TMEM220: variants seen among roughly 807,000 people sequenced by gnomAD.
TMEM220 encodes transmembrane protein 220.
TMEM220 carries 21 observed loss-of-function variants against 21.7 expected under a neutral mutation model. The observed-to-expected ratio is 0.97, with a 90% confidence interval of 0.69 to 1.39. The LOEUF is 1.39. Ranked by LOEUF, TMEM220 falls within the 40% of genes most tolerant of loss-of-function variation. The pLI, the probability that TMEM220 is intolerant of heterozygous loss-of-function variation, is 0.00. For synonymous variants in TMEM220, 80 were observed against 73.6 expected, an observed-to-expected ratio of 1.09 and a Z score of -0.45; for missense variants, 191 against 201.9, an observed-to-expected ratio of 0.95 and a Z score of 0.33.
intron 5 of TMEM220, among the ~76,000 whole-genome samples, chr17:10,718,297 T>G (rs561389459): frequency 6.6e-6 from 1 of 152,286 alleles, no homozygotes; most frequent in Admixed American, 6.5e-5. Flanking sequence ...TATAGTAGTA[T>G]TCTCTTTTTT....
chr17:10,720,501 C>A (rs2074974693), intron 5 of TMEM220, among the ~76,000 whole-genome samples: 2 of 152,136 alleles, frequency 1.3e-5, no homozygotes, highest in South Asian at 4.1e-4. Flanking sequence ...ACTGAAAAAT[C>A]ATGGAAGGAT....
At chr17:10,720,481 C>T in intron 5 of TMEM220, among the ~76,000 whole-genome samples, 1 of 152,162 alleles carries the variant, frequency 6.6e-6, no homozygotes, top group Non-Finnish European at 1.5e-5. Context: ...CTAAGTCACA[C>T]ATTTGCTCCA....
intron 5 of TMEM220, among the ~76,000 whole-genome samples, chr17:10,720,624 G>A (rs191404180): frequency 6.6e-6 from 1 of 151,404 alleles, no homozygotes; most frequent in African/African-American, 2.5e-5. Context: ...TTTGACTTTT[G>A]AGCCATGTAG....
intron 1 of TMEM220, 110 bp downstream of exon 1, chr17:10,729,670 A>C: frequency 1.0e-6 from 1 of 952,914 alleles, no homozygotes; most frequent in Non-Finnish European, 1.4e-6. Flanking sequence ...CGTCCTCCCC[A>C]CTAACTGTGC....
chr17:10,727,689 T>C (rs1217033744), intron 2 of TMEM220, among the ~76,000 whole-genome samples: 1 of 152,188 alleles, frequency 6.6e-6, no homozygotes, highest in Non-Finnish European at 1.5e-5. Context: ...GTGGTTTTAC[T>C]GCACTAAAAA....
intron 5 of TMEM220, chr17:10,715,919 G>T (rs924626857): frequency 2.8e-6 from 1 of 358,164 alleles, no homozygotes; most frequent in Non-Finnish European, 5.1e-6. Context: ...GTATTCTCTA[G>T]AAGTTTTGTT....
At chr17:10,716,287 A>G in intron 5 of TMEM220, 1 of 674,398 alleles carries the variant, frequency 1.5e-6, no homozygotes, top group South Asian at 1.4e-5. Context: ...AGGAGGCCAT[A>G]ACGCATCATC....
chr17:10,717,351 C>T (rs988922506), intron 5 of TMEM220, among the ~76,000 whole-genome samples: 23 of 152,174 alleles, frequency 1.5e-4, no homozygotes, highest in African/African-American at 4.6e-4. Flanking sequence ...TTCCCTCCTA[C>T]GCCCATTTTC....
At chr17:10,722,811 G>T (rs146256229) in intron 5 of TMEM220, among the ~76,000 whole-genome samples, 1 of 152,122 alleles carries the variant, frequency 6.6e-6, no homozygotes, top group African/African-American at 2.4e-5. Flanking sequence ...ACTATACTGG[G>T]CCTTGTAGAA....
At position 10,714,328 on chromosome 17, in the gene TMEM220, A is replaced by G. The variant is rs2074882393; in HGVS notation, c.*1125T>C. The G allele has an allele frequency of 6.6e-6, 1 of 152,090 alleles. No individual in the cohort carries two copies. Among genetic ancestry groups the G allele is most frequent in the Non-Finnish European group, 1.5e-5 (1 of 68,008 alleles). 9.4% of individuals were successfully genotyped at this position (152,090 alleles called of 1,614,324 possible). On this transcript the variant is annotated 3_prime_UTR_variant, in exon 6 of 6. Transcript: ENST00000341871. ...AGATTCAAATACCCAAGTTGTTCCAAACACAATTGTAAGTTTTCCAATAAT... is the reference window on the plus strand; with the variant it reads ...AGATTCAAATACCCAAGTTGTTCCAGACACAATTGTAAGTTTTCCAATAAT...
rs5819281 is a variant in TMEM220, at chr17:10,714,919, T to TAAA, written c.*531_*533dup. The TAAA allele has an allele frequency of 0.024, 3,580 of 147,694 alleles. 120 individuals carry two copies. The highest frequency in any genetic ancestry group is 0.065 in the African/African-American group (2,634 of 40,276). 9.1% of individuals were successfully genotyped at this position (147,694 alleles called of 1,614,324 possible). A position where few individuals can be genotyped will look rare whatever the true frequency, so the allele number is the denominator to read the frequency against. On this transcript the variant is annotated 3_prime_UTR_variant, in exon 6 of 6. Transcript: ENST00000341871. ...CCTGGGCAATAGAGTGGGACTGTCT[T>TAAA]AAAAAAAAAAAAAGATCGGGGTATA... is the stretch of plus-strand genomic sequence containing the variant.
chr17:10,715,515 A>T lies in TMEM220; in HGVS notation c.421T>A (p.Tyr141Asn), dbSNP rs201858146. ...CGCATTTCCTTGTTAATATATATGT[A>T]GACCCATGAGATAAATGGGAAAAGT... ...ITLFPFISWV[Y>N]IYINKEMRSS... The change falls in exon 6 of 6, where the codon TAC becomes AAC. Residue 141 changes from tyrosine (Y) to asparagine (N), a missense_variant. Tyr to Asn is a moderately radical substitution (Grantham distance 143, BLOSUM62 -2). Transcript: ENST00000341871. The T allele has an allele frequency of 2.0e-5, 32 of 1,605,936 alleles. No homozygotes were observed. Among genetic ancestry groups the T allele is most frequent in the Middle Eastern group, 1.6e-4 (1 of 6,074 alleles).
chr17:10,721,780 C>G, intron 5 of TMEM220, among the ~76,000 whole-genome samples: 1 of 139,640 alleles, frequency 7.2e-6, no homozygotes, highest in Non-Finnish European at 1.5e-5. Flanking sequence ...TTTGAAAATT[C>G]AAAATAAAAA....
chr17:10,729,134 AT>A, intron 1 of TMEM220, 74 bp from the exon 2 acceptor site: 1 of 1,560,138 alleles, frequency 6.4e-7, no homozygotes, highest in Non-Finnish European at 8.8e-7. Context: ...ATTTAAGCAC[AT>A]TTTTTATTAA....
At chr17:10,718,236 A>T (rs142348818) in intron 5 of TMEM220, among the ~76,000 whole-genome samples, 20 of 152,280 alleles carry the variant, frequency 1.3e-4, no homozygotes, top group Non-Finnish European at 2.6e-4. Context: ...TTTCAAATTT[A>T]TTGGTGTAAA....
chr17:10,723,966 G>A (rs2075021281), intron 4 of TMEM220, among the ~76,000 whole-genome samples: 1 of 152,160 alleles, frequency 6.6e-6, no homozygotes, highest in Non-Finnish European at 1.5e-5. Context: ...TAACCCATGG[G>A]CTTCATGCTG....
intron 2 of TMEM220, 34 bp from the exon 3 acceptor site, chr17:10,726,298 A>C (rs2075048250): frequency 3.3e-6 from 5 of 1,517,656 alleles, no homozygotes; most frequent in Non-Finnish European, 4.6e-6. Context: ...TACATGAGTT[A>C]AGATGTATGC....
At chr17:10,715,677 C>G (rs1456329181) in intron 5 of TMEM220, 89 bp from the exon 6 acceptor site, 2 of 962,370 alleles carry the variant, frequency 2.1e-6, no homozygotes, top group Non-Finnish European at 2.9e-6. Flanking sequence ...CACATAATTA[C>G]ATTTTAGTAT....
chr17:10,721,219 A>G (rs2074984429), intron 5 of TMEM220, among the ~76,000 whole-genome samples: 1 of 152,224 alleles, frequency 6.6e-6, no homozygotes, highest in Non-Finnish European at 1.5e-5. Context: ...GTCAGAAAGA[A>G]TTCAGGAGCA....
Sources: gnomAD v4.1 joint callset for allele counts (sites outside exome capture counted in the v4.1 genomes callset) on GRCh38, gnomAD v4.1.1 for gene constraint, MANE v1.5 for transcripts, NCBI Gene and HGNC (gene_info 2026-07-23, HGNC 2026-07-21) for gene names.